Variants in PSMG2 observed in about 807,000 individuals in gnomAD.
PSMG2 encodes proteasome assembly chaperone 2.
Under a neutral mutation model 31.5 loss-of-function variants are expected in PSMG2, and 21 were observed. The observed-to-expected ratio is 0.67, with a 90% CI of 0.47 to 0.96. The LOEUF (loss-of-function observed/expected upper bound fraction) is 0.96, where lower values mean the gene tolerates loss of function less well. PSMG2 is among the 40% of genes least tolerant of loss of function. The pLI, the probability that PSMG2 is intolerant of heterozygous loss-of-function variation, is 0.00. For synonymous variants in PSMG2, 120 were observed against 110.4 expected (o/e 1.09, Z -0.54); for missense variants, 318 against 321.2 (o/e 0.99, Z 0.08).
intron 1 of PSMG2, chr18:12,686,583 G>T: frequency 1.6e-6 from 1 of 644,056 alleles, no homozygotes; most frequent in Non-Finnish European, 2.6e-6. Context: ...TCCAGTATTT[G>T]GCTGCAAAGT....
intron 3 of PSMG2, among the ~76,000 whole-genome samples, chr18:12,714,049 A>G (rs1018054400): frequency 2.0e-5 from 3 of 152,126 alleles, no homozygotes; most frequent in African/African-American, 7.2e-5. Context: ...GCCCAGTCCA[A>G]ACTCAAGAAT....
At chr18:12,691,330 A>G in intron 1 of PSMG2, 1 of 1,449,786 alleles carries the variant, frequency 6.9e-7, no homozygotes, top group Non-Finnish European at 9.4e-7. Flanking sequence ...AAATACAGGC[A>G]TAAAATTATT....
intron 1 of PSMG2, chr18:12,686,358 A>G (rs1186154134): frequency 1.2e-6 from 2 of 1,614,020 alleles, no homozygotes; most frequent in Non-Finnish European, 1.7e-6. Context: ...GGACATTAAC[A>G]AATCTTGCTG....
chr18:12,700,822 C>G, upstream of PSMG2: 1 of 609,452 alleles, frequency 1.6e-6, no homozygotes, highest in Non-Finnish European at 2.8e-6. Flanking sequence ...ATACTTGAAA[C>G]AAGGACACTA....
At chr18:12,689,212 T>C (rs1425842532) in intron 1 of PSMG2, among the ~76,000 whole-genome samples, 5 of 152,258 alleles carry the variant, frequency 3.3e-5, no homozygotes, top group Admixed American at 3.3e-4. Context: ...TTTATAACTA[T>C]TGTTTTTATA....
At chr18:12,725,220 C>T (rs2040465210) in intron 6 of PSMG2, among the ~76,000 whole-genome samples, 2 of 152,158 alleles carry the variant, frequency 1.3e-5, no homozygotes, top group East Asian at 1.9e-4. Flanking sequence ...TAATAAACTT[C>T]ATCTACAGCC....
Position 12,706,595 on chromosome 18 carries a change from AT to A in PSMG2, c.105del (p.Ile36PhefsTer4). 1 of 1,614,130 alleles carries A rather than the reference AT, an allele frequency of 6.2e-7. No individual in the cohort carries two copies. The highest frequency in any genetic ancestry group is 8.5e-7 in the Non-Finnish European group (1 of 1,180,018). On this transcript the variant is annotated frameshift_variant, in exon 2 of 7. Transcript: ENST00000317615. LOFTEE classifies it high-confidence loss of function. Reference protein sequence around the residue: ...GNVGQLAMDLIISTLNMSKIG... With the variant: ...GNVGQLAMDLXISTLNMSKIG... ...TGTTGGCCAGCTTGCAATGGATCTG[AT>A]TATTTCTACACTGAATATGTCTAAG... is the stretch of plus-strand genomic sequence containing the variant.
At chr18:12,669,415 A>AT (rs1041000290) in intron 1 of PSMG2, among the ~76,000 whole-genome samples, 3 of 151,300 alleles carry the variant, frequency 2.0e-5, no homozygotes, top group Non-Finnish European at 4.4e-5. Flanking sequence ...CCTGGCCCCA[A>AT]TTTTTTTTAT....
At chr18:12,718,687 AT>A (rs2040401295) in intron 4 of PSMG2, 52 bp downstream of exon 4, 1 of 1,309,116 alleles carries the variant, frequency 7.6e-7, no homozygotes, top group Non-Finnish European at 1.0e-6. Context: ...TACTATGATA[AT>A]TTCTCTATTA....
intron 5 of PSMG2, among the ~76,000 whole-genome samples, chr18:12,721,353 C>T (rs559000250): frequency 1.2e-4 from 19 of 152,248 alleles, no homozygotes; most frequent in African/African-American, 4.3e-4. Flanking sequence ...AACCTCTACA[C>T]GCGCACTTTT....
intron 3 of PSMG2, among the ~76,000 whole-genome samples, chr18:12,713,684 C>A (rs1217829722): frequency 1.3e-5 from 2 of 152,044 alleles, no homozygotes; most frequent in Admixed American, 1.3e-4. Context: ...TCAGCCAGTT[C>A]TTTTATCCCA....
intron 1 of PSMG2, among the ~76,000 whole-genome samples, chr18:12,688,978 G>GT (rs1724255703): frequency 6.6e-6 from 1 of 152,110 alleles, no homozygotes; most frequent in African/African-American, 2.4e-5. Flanking sequence ...GCCAGGCATG[G>GT]TGGCACGTGC....
chr18:12,695,494 T>A (rs1334225635), intron 1 of PSMG2: 1 of 453,564 alleles, frequency 2.2e-6, no homozygotes, highest in Non-Finnish European at 3.9e-6. Flanking sequence ...ACCTTTAATA[T>A]TCATATTAAA....
rs768493942 is a variant in PSMG2 at position 12,674,509 on chromosome 18, A to T, written c.-37+15736A>T. The T allele has an allele frequency of 1.9e-6, 3 of 1,581,502 alleles. 1 individual carries two copies. In the South Asian group the frequency reaches 3.3e-5, roughly 18 times the overall value. Reference sequence around the variant, plus strand: ...TGATCTGTAAGACTCCTAAACTGAAAAAATGATTCCGTAAATTACACCTTA... The same window carrying T: ...TGATCTGTAAGACTCCTAAACTGAATAAATGATTCCGTAAATTACACCTTA... On this transcript the variant is annotated intron_variant, in intron 1 of 6. Coordinates refer to the PSMG2 transcript ENST00000585331.
chr18:12,661,713 T>C (rs545439164), intron 1 of PSMG2: 1 of 152,440 alleles, frequency 6.6e-6, no homozygotes, highest in East Asian at 1.9e-4. Flanking sequence ...AAGTGGAGAT[T>C]GCTGTGAGCC....
chr18:12,705,813 CT>C (rs2040263215), intron 1 of PSMG2, among the ~76,000 whole-genome samples: 1 of 152,102 alleles, frequency 6.6e-6, no homozygotes, highest in South Asian at 2.1e-4. Context: ...TAGGGTGAGT[CT>C]TTCCTCGAAC....
upstream of PSMG2, chr18:12,699,864 A>G: frequency 6.3e-7 from 1 of 1,597,146 alleles, no homozygotes; most frequent in South Asian, 1.1e-5. Flanking sequence ...CAAAACAAAT[A>G]GGTTGTTTTG....
intron 2 of PSMG2, among the ~76,000 whole-genome samples, chr18:12,707,309 A>AT (rs1340008448): frequency 1.3e-5 from 2 of 151,910 alleles, no homozygotes; most frequent in Middle Eastern, 3.2e-3. Context: ...TTCAACATGG[A>AT]TTTTTTTCCT....
At chr18:12,717,652 A>G (rs2145147341) in intron 3 of PSMG2, among the ~76,000 whole-genome samples, 1 of 152,366 alleles carries the variant, frequency 6.6e-6, no homozygotes, top group Admixed American at 6.5e-5. Flanking sequence ...TTCCGAAAGT[A>G]TCCTTCAATT....
Sources: allele counts gnomAD v4.1 joint callset (sites outside exome capture counted in the v4.1 genomes callset), GRCh38; gene constraint gnomAD v4.1.1; transcripts MANE v1.5; gene names NCBI Gene and HGNC (gene_info 2026-07-23, HGNC 2026-07-21).